The following CSGALNACT1 variants were observed in gnomAD, a reference collection of about 807,000 sequenced individuals.
CSGALNACT1 encodes the protein chondroitin sulfate N-acetylgalactosaminyltransferase 1.
In CSGALNACT1, 52 loss-of-function variants were observed where a neutral mutation model predicts 51.0. The ratio of observed to expected loss-of-function variants is 1.02; its 90% CI spans 0.82 to 1.29. The LOEUF (loss-of-function observed/expected upper bound fraction) is 1.29. Among genes scored for constraint, CSGALNACT1 ranks in the 50% most tolerant of loss-of-function variants. CSGALNACT1 has a pLI of 0.00. For missense variants in CSGALNACT1, 935 were observed against 679.2 expected, an observed-to-expected ratio of 1.38 and a Z score of -4.19; for synonymous variants, 341 against 254.4, an observed-to-expected ratio of 1.34 and a Z score of -3.24.
At chr8:19,748,054 C>CAA (rs5889886) in intron 1 of CSGALNACT1, among the ~76,000 whole-genome samples, 9 of 151,648 alleles carry the variant, frequency 5.9e-5, no homozygotes, top group South Asian at 4.2e-4. Flanking sequence ...TAAACGTACT[C>CAA]AAAAAAAATC....
intron 3 of CSGALNACT1, among the ~76,000 whole-genome samples, chr8:19,589,661 G>C (rs1387741781): frequency 1.3e-5 from 2 of 152,080 alleles, no homozygotes; most frequent in Non-Finnish European, 2.9e-5. Context: ...CAAAGCTCAA[G>C]TAACTGAAAT....
intron 5 of CSGALNACT1, 109 bp downstream of exon 4, chr8:19,458,317 A>G: frequency 1.0e-6 from 1 of 952,856 alleles, no homozygotes; most frequent in South Asian, 1.3e-5. Flanking sequence ...TGAATAAGAG[A>G]AAGGAGGCTT....
At chr8:19,454,891 T>A (rs1206281720) in intron 5 of CSGALNACT1, among the ~76,000 whole-genome samples, 4 of 152,232 alleles carry the variant, frequency 2.6e-5, no homozygotes, top group Non-Finnish European at 2.9e-5. Context: ...TGAAGACACA[T>A]TTTCTTAAAG....
At chr8:19,431,398 C>T (rs1227447218) in intron 6 of CSGALNACT1, among the ~76,000 whole-genome samples, 1 of 151,854 alleles carries the variant, frequency 6.6e-6, no homozygotes, top group Non-Finnish European at 1.5e-5. Context: ...TTAACAAATG[C>T]TTTTCCTATG....
chr8:19,662,821 G>C (rs1250594688), intron 1 of CSGALNACT1, among the ~76,000 whole-genome samples: 1 of 152,064 alleles, frequency 6.6e-6, no homozygotes, highest in Non-Finnish European at 1.5e-5. Context: ...CCATCAGCTG[G>C]GGCACTAGCA....
chr8:19,478,745 A>C (rs530524050), intron 4 of CSGALNACT1, among the ~76,000 whole-genome samples: 73 of 152,320 alleles, frequency 4.8e-4, no homozygotes, highest in African/African-American at 1.6e-3. Flanking sequence ...ACTGCTATAA[A>C]TTGCTTCAGT....
chr8:19,428,867 G>A (rs2059215454), intron 6 of CSGALNACT1, among the ~76,000 whole-genome samples: 1 of 136,250 alleles, frequency 7.3e-6, no homozygotes, highest in Non-Finnish European at 1.6e-5. Context: ...GTGTGTGTGT[G>A]TGTGTGTGTA....
chr8:19,610,510 G>C (rs2052085945), intron 1 of CSGALNACT1, among the ~76,000 whole-genome samples: 1 of 152,060 alleles, frequency 6.6e-6, no homozygotes, highest in Non-Finnish European at 1.5e-5. Flanking sequence ...GACAGGGGCA[G>C]GTGGACATCG....
intron 4 of CSGALNACT1, among the ~76,000 whole-genome samples, chr8:19,488,370 C>CATATATATATAT (rs56988602): frequency 1.7e-5 from 2 of 114,470 alleles, no homozygotes; most frequent in African/African-American, 3.1e-5. Flanking sequence ...TTTATATATA[C>CATATATATATAT]ATATATATAT....
intron 6 of CSGALNACT1, among the ~76,000 whole-genome samples, chr8:19,431,641 TTGTC>T (rs2059665509): frequency 6.6e-6 from 1 of 152,082 alleles, no homozygotes. Context: ...TGTTCTGTCT[TTGTC>T]TGGTTAGGTT....
At chr8:19,674,131 T>C (rs1350643779) in intron 1 of CSGALNACT1, among the ~76,000 whole-genome samples, 3 of 151,944 alleles carry the variant, frequency 2.0e-5, no homozygotes, top group African/African-American at 7.3e-5. Flanking sequence ...TTACTAAAAA[T>C]ACGAAAAAAG....
intron 1 of CSGALNACT1, among the ~76,000 whole-genome samples, chr8:19,631,215 A>G (rs1192883233): frequency 1.3e-5 from 2 of 152,118 alleles, no homozygotes; most frequent in South Asian, 2.1e-4. Context: ...TGAAATATCA[A>G]TGATCTTGAT....
chr8:19,409,745 G>C (rs1334435647), intron 8 of CSGALNACT1, among the ~76,000 whole-genome samples: 2 of 152,086 alleles, frequency 1.3e-5, no homozygotes, highest in Non-Finnish European at 2.9e-5. Flanking sequence ...GGGACATCTG[G>C]TTCTGTTCAT....
chr8:19,541,264 T>TA (rs2085057413), intron 3 of CSGALNACT1, among the ~76,000 whole-genome samples: 1 of 148,840 alleles, frequency 6.7e-6, no homozygotes, highest in African/African-American at 2.5e-5. Context: ...TTTTTTTTTT[T>TA]TTTTGAGACG....
intron 4 of CSGALNACT1, chr8:19,495,184 A>T (rs2075237767): frequency 6.6e-6 from 1 of 152,134 alleles, no homozygotes; most frequent in African/African-American, 2.4e-5. Context: ...GGCCATCCAC[A>T]TGTTCCCCTT....
intron 8 of CSGALNACT1, among the ~76,000 whole-genome samples, chr8:19,411,563 G>A (rs2055741831): frequency 6.6e-6 from 1 of 152,242 alleles, no homozygotes; most frequent in African/African-American, 2.4e-5. Context: ...ATGCAGTGGT[G>A]AGAACCTCTC....
chr8:19,614,148 C>T (rs965641939), intron 1 of CSGALNACT1, among the ~76,000 whole-genome samples: 3 of 152,298 alleles, frequency 2.0e-5, no homozygotes, highest in East Asian at 1.9e-4. Flanking sequence ...CTTTTAAAAA[C>T]GTGTATTGAT....
chr8:19,605,397 C>A (rs1271566527), upstream of CSGALNACT1, among the ~76,000 whole-genome samples: 2 of 152,196 alleles, frequency 1.3e-5, no homozygotes, highest in Non-Finnish European at 2.9e-5. Context: ...GACGGTGCCA[C>A]TGCACTCCAG....
intron 8 of CSGALNACT1, among the ~76,000 whole-genome samples, chr8:19,410,703 C>A (rs2055489139): frequency 6.6e-6 from 1 of 152,178 alleles, no homozygotes; most frequent in African/African-American, 2.4e-5. Flanking sequence ...GGCAGTCTGG[C>A]TTATGAGCTG....
Sources: allele counts gnomAD v4.1 joint callset (sites outside exome capture counted in the v4.1 genomes callset), GRCh38; gene constraint gnomAD v4.1.1; transcripts MANE v1.5; gene names NCBI Gene and HGNC (gene_info 2026-07-23, HGNC 2026-07-21).